The following PTPRK variants were observed in gnomAD, a reference collection of about 807,000 sequenced individuals.
PTPRK encodes the protein protein tyrosine phosphatase receptor type K, also known as receptor-type tyrosine-protein phosphatase kappa.
In PTPRK, 75 loss-of-function variants were observed where a neutral mutation model predicts 178.0. That is an observed-to-expected ratio of 0.42 (90% CI 0.35 to 0.51). The LOEUF (loss-of-function observed/expected upper bound fraction) is 0.51, where lower values mean the gene tolerates loss of function less well. PTPRK is among the 20% of genes least tolerant of loss of function. The pLI is 0.02. For missense variants in PTPRK, 1,441 were observed against 1,797.8 expected (o/e 0.80, Z 3.59); for synonymous variants, 637 against 620.6 (o/e 1.03, Z -0.39).
intron 14 of PTPRK, chr6:128,005,994 G>T: frequency 6.7e-7 from 1 of 1,498,250 alleles, no homozygotes; most frequent in Non-Finnish European, 9.1e-7. Flanking sequence ...CTTAACACAC[G>T]TAAAGTTGTA....
chr6:127,992,677 G>A lies in PTPRK; in HGVS notation c.2877C>T (p.Thr959=). 2.5e-6 allele frequency: 4 copies of A among 1,585,188 alleles called. No individual in the cohort carries two copies. Among genetic ancestry groups the A allele is most frequent in the Non-Finnish European group, 3.4e-6 (4 of 1,167,302 alleles). ...GYQRPSHYIA[T]QGPVHETVYD... ...TTTAACAAGGCAAAGTTTTACCTTG[G>A]GTTGCAATGTAATGACTTGGTCTCT... The change falls in exon 19 of 30, where the codon ACC becomes ACT. Residue 959 remains threonine (T), a synonymous_variant. Coordinates refer to ENST00000368226, the MANE Select transcript of PTPRK (RefSeq NM_002844.4).
chr6:128,237,054 ATT>A (rs1347281378), intron 5 of PTPRK, among the ~76,000 whole-genome samples: 2 of 152,184 alleles, frequency 1.3e-5, no homozygotes, highest in Non-Finnish European at 2.9e-5. Flanking sequence ...AGTGAGAGAA[ATT>A]TTTCAGTTTT....
intron 2 of PTPRK, among the ~76,000 whole-genome samples, chr6:128,348,516 A>G (rs572091653): frequency 6.9e-6 from 1 of 145,742 alleles, no homozygotes; most frequent in East Asian, 2.0e-4. Context: ...ATTGTATTTT[A>G]TTCATGGTGA....
chr6:128,342,027 C>T (rs1037496983), intron 2 of PTPRK, among the ~76,000 whole-genome samples: 3 of 152,124 alleles, frequency 2.0e-5, no homozygotes, highest in South Asian at 2.1e-4. Context: ...CCAAGGCTGG[C>T]GGATCACCTG....
intron 6 of PTPRK, among the ~76,000 whole-genome samples, chr6:128,188,785 T>C (rs776846507): frequency 3.3e-5 from 5 of 152,184 alleles, no homozygotes; most frequent in Admixed American, 6.5e-5. Context: ...TTCTAACTTC[T>C]GGTGGTGCTG....
At chr6:128,206,014 A>G (rs549163303) in intron 6 of PTPRK, among the ~76,000 whole-genome samples, 24 of 152,018 alleles carry the variant, frequency 1.6e-4, no homozygotes, top group Admixed American at 3.3e-4. Flanking sequence ...CCCTCATGGA[A>G]AGAGGCTGGT....
rs750344286 is a variant in PTPRK at position 127,973,701 on chromosome 6, A to T, written c.4096T>A (p.Cys1366Ser). Residue 1366 changes from cysteine to serine, a missense_variant, in exon 28 of 30, where the codon TGC (cysteine) becomes AGC (serine). Coordinates refer to ENST00000368226, the MANE Select transcript of PTPRK (RefSeq NM_002844.4). ...ILQVEKWQEECEEGEGRTIIH... is the reference protein window; with the variant it reads ...ILQVEKWQEESEEGEGRTIIH... ...ATCGTCCGGCCTTCCCCTTCCTCGC[A>T]TTCCTCCTGCCACTTTTCCACCTGA... is the stretch of plus-strand genomic sequence containing the variant. The T allele has an allele frequency of 6.2e-7, 1 of 1,613,878 alleles. No homozygotes were observed. Among genetic ancestry groups the T allele is most frequent in the Non-Finnish European group, 8.5e-7 (1 of 1,179,936 alleles).
intron 11 of PTPRK, among the ~76,000 whole-genome samples, chr6:128,076,818 T>C (rs1055609767): frequency 2.0e-5 from 3 of 152,040 alleles, no homozygotes; most frequent in African/African-American, 7.2e-5. Flanking sequence ...GAACACCAGC[T>C]ATGAGCAAAT....
chr6:128,107,005 G>A (rs1290487675), intron 7 of PTPRK, among the ~76,000 whole-genome samples: 1 of 152,034 alleles, frequency 6.6e-6, no homozygotes, highest in East Asian at 1.9e-4. Context: ...TGGGTTTAAA[G>A]AAATATCCAC....
At chr6:128,175,525 T>TAA (rs1390330547) in intron 7 of PTPRK, among the ~76,000 whole-genome samples, 1 of 151,806 alleles carries the variant, frequency 6.6e-6, no homozygotes, top group Non-Finnish European at 1.5e-5. Context: ...AGCAGTCATT[T>TAA]AAAGTGATGG....
At chr6:128,219,227 T>C in intron 5 of PTPRK, 131 bp from the exon 6 acceptor site, 1 of 845,788 alleles carries the variant, frequency 1.2e-6, no homozygotes, top group Non-Finnish European at 1.8e-6. Flanking sequence ...CCATTGTCAA[T>C]CAGGAAAAGA....
chr6:127,995,409 G>A, intron 18 of PTPRK, 53 bp downstream of exon 18: 1 of 1,479,324 alleles, frequency 6.8e-7, no homozygotes, highest in Admixed American at 1.7e-5. Flanking sequence ...AAGCAAAAAG[G>A]TTCATATATA....
intron 15 of PTPRK, 62 bp downstream of exon 15, chr6:128,005,022 T>A: frequency 7.1e-7 from 1 of 1,407,192 alleles, no homozygotes; most frequent in Non-Finnish European, 9.8e-7. Context: ...AAAGGTATCG[T>A]GTAGAATTCA....
At chr6:127,977,788 T>TGATTAGAA (rs1360802902) in intron 25 of PTPRK, among the ~76,000 whole-genome samples, 1 of 152,162 alleles carries the variant, frequency 6.6e-6, no homozygotes. Flanking sequence ...AAGTCCTCCT[T>TGATTAGAA]GATTAGAACA....
chr6:128,216,550 A>T (rs1357621162), intron 6 of PTPRK, among the ~76,000 whole-genome samples: 2 of 151,906 alleles, frequency 1.3e-5, no homozygotes, highest in African/African-American at 4.8e-5. Context: ...AATAAAAAAA[A>T]AAAAAAAAGG....
intron 1 of PTPRK, among the ~76,000 whole-genome samples, chr6:128,450,274 T>C (rs1847619545): frequency 6.6e-6 from 1 of 152,200 alleles, no homozygotes; most frequent in Non-Finnish European, 1.5e-5. Context: ...AAGATCACTA[T>C]TAAGAAATTC....
chr6:128,480,198 C>G (rs1320259024), intron 1 of PTPRK, among the ~76,000 whole-genome samples: 1 of 152,118 alleles, frequency 6.6e-6, no homozygotes, highest in Admixed American at 6.5e-5. Flanking sequence ...GGCTGAAACC[C>G]AGGAGCCATC....
At chr6:128,345,506 T>C (rs1832311695) in intron 2 of PTPRK, among the ~76,000 whole-genome samples, 2 of 152,218 alleles carry the variant, frequency 1.3e-5, no homozygotes, top group African/African-American at 4.8e-5. Context: ...GCATCTAGCA[T>C]TGTACTAAAG....
chr6:128,085,540 T>C lies in PTPRK; in HGVS notation c.1466-1716A>G, dbSNP rs17055272. 2.9e-3 allele frequency among the ~76,000 whole-genome samples: 444 copies of C among 152,356 alleles called. 11 individuals carry two copies. The East Asian group carries it at 0.059, about 20-fold the overall frequency. On this transcript the variant is annotated intron_variant, in intron 8 of 29. Coordinates refer to ENST00000368226, the MANE Select transcript of PTPRK (RefSeq NM_002844.4). ...TGATTTGATGGCATTGTAATTATAA[T>C]AACTGCCTATGTTTACCTAACACAA...
Sources: allele counts gnomAD v4.1 joint callset (sites outside exome capture counted in the v4.1 genomes callset), GRCh38; gene constraint gnomAD v4.1.1; transcripts MANE v1.5; gene names NCBI Gene and HGNC (gene_info 2026-07-23, HGNC 2026-07-21).